RPS6KC1: variants seen among roughly 807,000 people sequenced by gnomAD.
RPS6KC1 encodes ribosomal protein S6 kinase C1.
In RPS6KC1, 54 loss-of-function variants were observed where a neutral mutation model predicts 103.8. The ratio of observed to expected loss-of-function variants is 0.52; its 90% CI spans 0.42 to 0.65. The LOEUF is 0.65. Among genes scored for constraint, RPS6KC1 ranks in the 30% least tolerant of loss-of-function variants. The pLI is 0.00. For missense variants in RPS6KC1, 1,151 were observed against 1,253.8 expected (o/e 0.92, Z 1.24); for synonymous variants, 439 against 438.7 (o/e 1.00, Z -0.01).
At chr1:213,355,445 C>T in the RPS6KC1 span, among the ~76,000 whole-genome samples, 5 of 152,014 alleles carry the variant, frequency 3.3e-5, 1 homozygote, top group East Asian at 3.9e-4. Flanking sequence ...TACACTAGCA[C>T]GGGCACGGGG....
chr1:213,470,636 T>A, the RPS6KC1 span, among the ~76,000 whole-genome samples: 2 of 86,232 alleles, frequency 2.3e-5, no homozygotes, highest in East Asian at 3.6e-4. Context: ...TTTTTTTTTT[T>A]AGAGATGGGG....
At chr1:213,366,335 C>A in the RPS6KC1 span, among the ~76,000 whole-genome samples, 1 of 152,186 alleles carries the variant, frequency 6.6e-6, no homozygotes, top group African/African-American at 2.4e-5. Context: ...TGTAAACCAC[C>A]AAGGCATAGA....
chr1:213,236,852 T>A (rs531430832), intron 10 of RPS6KC1, among the ~76,000 whole-genome samples: 1 of 151,956 alleles, frequency 6.6e-6, no homozygotes, highest in Non-Finnish European at 1.5e-5. Context: ...CCCCAAGGAG[T>A]AAAATGATTC....
the RPS6KC1 span, among the ~76,000 whole-genome samples, chr1:213,511,491 C>T: frequency 3.9e-5 from 6 of 152,194 alleles, no homozygotes; most frequent in Non-Finnish European, 8.8e-5. Context: ...TTCCCTGAAG[C>T]AAGTGGGGAG....
chr1:213,213,879 A>C (rs2148693581), intron 8 of RPS6KC1, among the ~76,000 whole-genome samples: 1 of 152,346 alleles, frequency 6.6e-6, no homozygotes, highest in African/African-American at 2.4e-5. Context: ...GATTTTTAAA[A>C]AACCATCATA....
At chr1:213,322,355 T>C in the RPS6KC1 span, among the ~76,000 whole-genome samples, 1 of 152,184 alleles carries the variant, frequency 6.6e-6, no homozygotes, top group Non-Finnish European at 1.5e-5. Context: ...TTAAGAACTT[T>C]GTAGTTCACA....
chr1:213,433,245 C>T, the RPS6KC1 span, among the ~76,000 whole-genome samples: 102 of 152,342 alleles, frequency 6.7e-4, no homozygotes, highest in African/African-American at 2.4e-3. Context: ...ACATCTCTCT[C>T]TGACCACAGC....
chr1:213,727,749 C>A, the RPS6KC1 span, among the ~76,000 whole-genome samples: 2 of 152,102 alleles, frequency 1.3e-5, no homozygotes, highest in Non-Finnish European at 2.9e-5. Flanking sequence ...TTCAATTCCC[C>A]CATGCCTTGA....
the RPS6KC1 span, among the ~76,000 whole-genome samples, chr1:213,547,304 A>G: frequency 1.3e-5 from 2 of 152,086 alleles, no homozygotes; most frequent in Non-Finnish European, 2.9e-5. Context: ...CTGGCTCTAG[A>G]TTTTTTCATT....
At chr1:213,522,297 A>G in the RPS6KC1 span, among the ~76,000 whole-genome samples, 2 of 152,210 alleles carry the variant, frequency 1.3e-5, no homozygotes, top group African/African-American at 4.8e-5. Flanking sequence ...GGTTTAAAAT[A>G]TTCAGTTAGG....
chr1:213,360,811 G>T, the RPS6KC1 span, among the ~76,000 whole-genome samples: 40 of 152,334 alleles, frequency 2.6e-4, 1 homozygote, highest in East Asian at 5.8e-3. Context: ...GTTGGAGTTT[G>T]CTGGAGGTCT....
the RPS6KC1 span, among the ~76,000 whole-genome samples, chr1:213,305,576 G>A: frequency 6.6e-6 from 1 of 152,210 alleles, no homozygotes; most frequent in Non-Finnish European, 1.5e-5. Flanking sequence ...TTCACTCAGT[G>A]GAAGGGAGAT....
At chr1:213,672,182 C>T in the RPS6KC1 span, among the ~76,000 whole-genome samples, 1 of 152,144 alleles carries the variant, frequency 6.6e-6, no homozygotes, top group Non-Finnish European at 1.5e-5. Flanking sequence ...GCCTGGTGAG[C>T]CTTCCTTTCG....
the RPS6KC1 span, chr1:213,842,351 A>G: frequency 6.6e-6 from 1 of 152,122 alleles, no homozygotes; most frequent in Non-Finnish European, 1.5e-5. Context: ...AAGACAGGAG[A>G]GGCAGTACCT....
intron 7 of RPS6KC1, among the ~76,000 whole-genome samples, chr1:213,175,004 A>T (rs1032069320): frequency 2.6e-5 from 4 of 152,250 alleles, no homozygotes; most frequent in African/African-American, 9.6e-5. Context: ...ACATCATTTC[A>T]GGTACAGTTA....
the RPS6KC1 span, among the ~76,000 whole-genome samples, chr1:213,481,273 A>C: frequency 1.3e-5 from 2 of 152,370 alleles, no homozygotes; most frequent in South Asian, 2.1e-4. Flanking sequence ...AGCCAATTTT[A>C]AATGTCCCAT....
At chr1:213,134,880 G>C (rs1157753012) in intron 6 of RPS6KC1, among the ~76,000 whole-genome samples, 1 of 152,070 alleles carries the variant, frequency 6.6e-6, no homozygotes, top group Non-Finnish European at 1.5e-5. Context: ...AATAGAGGTA[G>C]TTTTCCTTCT....
rs1460467731 is a variant in RPS6KC1 at position 213,262,826 on chromosome 1, C to G, written c.3090+10C>G. On this transcript the variant is annotated intron_variant, in intron 14 of 14. Coordinates refer to ENST00000366960, the MANE Select transcript of RPS6KC1 (RefSeq NM_012424.6). ...CTCACTCATTCAACAGGTAATTTAA[C>G]TGACCTATTGGCCAGGTTTATCAAC... The G allele has an allele frequency of 6.6e-7, 1 of 1,522,152 alleles. No homozygotes were observed. The highest frequency in any genetic ancestry group is 9.1e-7 in the Non-Finnish European group (1 of 1,095,954). The allele number at this position is 1,522,152 out of a possible 1,614,324, so 94.3% of individuals were successfully genotyped here. A position where few individuals can be genotyped will look rare whatever the true frequency, so the allele number is the denominator to read the frequency against.
chr1:213,822,900 T>G, the RPS6KC1 span, among the ~76,000 whole-genome samples: 1 of 152,160 alleles, frequency 6.6e-6, no homozygotes, highest in Non-Finnish European at 1.5e-5. Context: ...CCTTCTATAA[T>G]CTACTATCTT....
Sources: allele counts gnomAD v4.1 joint callset (sites outside exome capture counted in the v4.1 genomes callset), GRCh38; gene constraint gnomAD v4.1.1; transcripts MANE v1.5; gene names NCBI Gene and HGNC (gene_info 2026-07-23, HGNC 2026-07-21).